The following MAST4 variants were observed in gnomAD, a reference collection of about 807,000 sequenced individuals.
MAST4 encodes microtubule associated serine/threonine kinase family member 4.
MAST4 carries 89 observed loss-of-function variants against 162.7 expected under a neutral mutation model. That is an observed-to-expected ratio of 0.55 (90% confidence interval 0.46 to 0.65). MAST4 has a LOEUF of 0.65. Ranked by LOEUF, MAST4 falls within the 30% of genes least tolerant of loss-of-function variation. MAST4 has a pLI of 0.00. For synonymous variants in MAST4, 1,479 were observed against 1,361.1 expected (o/e 1.09, Z -1.91); for missense variants, 3,153 against 3,374.0 (o/e 0.93, Z 1.62).
At chr5:67,093,229 T>C (rs1009013275) in intron 6 of MAST4, among the ~76,000 whole-genome samples, 1 of 152,226 alleles carries the variant, frequency 6.6e-6, no homozygotes, top group Non-Finnish European at 1.5e-5. Context: ...CCTTCTTACT[T>C]TTTCATTTAA....
chr5:66,924,646 G>T (rs1171963903), intron 4 of MAST4, among the ~76,000 whole-genome samples: 2 of 152,140 alleles, frequency 1.3e-5, no homozygotes, highest in Non-Finnish European at 2.9e-5. Context: ...GCCTACCTCT[G>T]CCCCCCAAAG....
At chr5:66,959,370 C>T in intron 4 of MAST4, 1 of 772,556 alleles carries the variant, frequency 1.3e-6, no homozygotes, top group South Asian at 1.4e-5. Flanking sequence ...AGCTATTTAG[C>T]ATTTGTTTGT....
chr5:67,147,410 A>T (rs1468046693), intron 23 of MAST4, among the ~76,000 whole-genome samples: 1 of 152,252 alleles, frequency 6.6e-6, no homozygotes, highest in Non-Finnish European at 1.5e-5. Flanking sequence ...GCTCACGCTT[A>T]TATGCAGTGC....
chr5:67,038,450 G>A (rs920413291), intron 4 of MAST4, among the ~76,000 whole-genome samples: 5 of 152,102 alleles, frequency 3.3e-5, no homozygotes, highest in Non-Finnish European at 7.4e-5. Flanking sequence ...TCTGCATGGG[G>A]CAAGATACTC....
chr5:67,044,960 T>C (rs1757189614), intron 4 of MAST4, among the ~76,000 whole-genome samples: 2 of 152,220 alleles, frequency 1.3e-5, no homozygotes, highest in South Asian at 4.1e-4. Flanking sequence ...CACCACAGAC[T>C]TCGTCAGCTC....
At chr5:66,699,186 T>G (rs890125054) in intron 1 of MAST4, among the ~76,000 whole-genome samples, 1 of 152,180 alleles carries the variant, frequency 6.6e-6, no homozygotes, top group African/African-American at 2.4e-5. Flanking sequence ...CCTGTTCTCA[T>G]CTCAGAGTCT....
chr5:66,838,709 G>C (rs757780408), intron 3 of MAST4, among the ~76,000 whole-genome samples: 1 of 152,196 alleles, frequency 6.6e-6, no homozygotes, highest in Non-Finnish European at 1.5e-5. Context: ...AACAGGTACT[G>C]ATTAGGCAAG....
chr5:66,822,849 C>G lies in MAST4; in HGVS notation c.642+34055C>G, dbSNP rs930388562. On this transcript the variant is annotated intron_variant, in intron 3 of 28. Coordinates refer to ENST00000403625, the MANE Select transcript of MAST4 (RefSeq NM_001164664.2). ...CCTTCTTTGTTTAAACTCCAAGAGG[C>G]AGTAGAGCATGGTGTTAGGAGCCCA... 2.0e-5 allele frequency among the ~76,000 whole-genome samples: 3 copies of G among 152,158 alleles called. No individual in the cohort carries two copies. The East Asian group carries it at 5.8e-4, about 29-fold the overall frequency.
chr5:66,820,385 G>T (rs1054571424), intron 3 of MAST4, among the ~76,000 whole-genome samples: 4 of 152,050 alleles, frequency 2.6e-5, no homozygotes, highest in African/African-American at 9.7e-5. Flanking sequence ...CAATTGATAG[G>T]TATCATACAA....
intron 3 of MAST4, among the ~76,000 whole-genome samples, chr5:66,811,592 C>T (rs1756482207): frequency 6.6e-6 from 1 of 152,146 alleles, no homozygotes; most frequent in South Asian, 2.1e-4. Flanking sequence ...CTTGATAGAA[C>T]ATATAATACA....
chr5:66,722,296 GC>G (rs1751260744), intron 1 of MAST4, among the ~76,000 whole-genome samples: 2 of 152,002 alleles, frequency 1.3e-5, no homozygotes, highest in Non-Finnish European at 2.9e-5. Context: ...TTGCCTCCTG[GC>G]TATTTTGAGC....
chr5:67,066,721 T>A (rs1290853976), intron 5 of MAST4, among the ~76,000 whole-genome samples: 1 of 152,210 alleles, frequency 6.6e-6, no homozygotes, highest in Non-Finnish European at 1.5e-5. Context: ...GATTAGTTTC[T>A]CAGCTTAATC....
At chr5:66,901,231 T>C (rs928354772) in intron 4 of MAST4, among the ~76,000 whole-genome samples, 1 of 152,148 alleles carries the variant, frequency 6.6e-6, no homozygotes, top group African/African-American at 2.4e-5. Context: ...GCACCCTTTA[T>C]TTTTTATTTG....
chr5:67,148,283 G>A (rs1771349869), intron 23 of MAST4, among the ~76,000 whole-genome samples: 1 of 152,164 alleles, frequency 6.6e-6, no homozygotes, highest in South Asian at 2.1e-4. Flanking sequence ...AAAATGAGAT[G>A]AGCATTTTCT....
At position 66,784,697 on chromosome 5, in the gene MAST4, G is replaced by A. The variant is rs150562297; in HGVS notation, c.518-3973G>A. Among the ~76,000 whole-genome samples, 1,169 of 152,236 alleles carry A rather than the reference G, an allele frequency of 7.7e-3. 7 individuals are homozygous for A. Among genetic ancestry groups the A allele is most frequent in the African/African-American group, 0.016 (683 of 41,522 alleles). On this transcript the variant is annotated intron_variant, in intron 2 of 28. Transcript: ENST00000403625. ...GACCCGGCCTAAGAACCCAGTTACCGTGTTTTATTCTGTTGCTGTGGTGGT... is the reference window on the plus strand; with the variant it reads ...GACCCGGCCTAAGAACCCAGTTACCATGTTTTATTCTGTTGCTGTGGTGGT...
chr5:67,081,181 G>A (rs1358011619), intron 5 of MAST4, among the ~76,000 whole-genome samples: 7 of 149,258 alleles, frequency 4.7e-5, no homozygotes, highest in Admixed American at 1.4e-4. Context: ...TTAGCATGTG[G>A]GGAGAGGTTC....
intron 1 of MAST4, among the ~76,000 whole-genome samples, chr5:66,652,408 T>A (rs184496357): frequency 9.6e-4 from 146 of 152,348 alleles, no homozygotes; most frequent in African/African-American, 3.2e-3. Context: ...AATGAACATT[T>A]AAATTAAAAA....
In MAST4 at chr5:67,121,031, C is replaced by T. The variant is rs768292580; in HGVS notation, c.1674C>T (p.Ser558=). 1.2e-6 allele frequency: 2 copies of T among 1,610,498 alleles called. No individual in the cohort carries two copies. The highest frequency in any genetic ancestry group is 2.2e-5 in the East Asian group (1 of 44,808). ...TDESVSSSNA[S]LKLRRKPRES... is the part of the protein sequence containing the mutation. ...TTGTTTCCAAGAGCTCTAATGCCTCCCTGAAACTTCGAAGGAAACCTCGGG... is the reference window on the plus strand; with the variant it reads ...TTGTTTCCAAGAGCTCTAATGCCTCTCTGAAACTTCGAAGGAAACCTCGGG... The change falls in exon 14 of 29, where the codon TCC becomes TCT. Residue 558 remains serine, a synonymous_variant. Coordinates refer to ENST00000403625, the MANE Select transcript of MAST4 (RefSeq NM_001164664.2).
At chr5:66,631,066 T>G (rs1343593436) in intron 1 of MAST4, among the ~76,000 whole-genome samples, 1 of 152,210 alleles carries the variant, frequency 6.6e-6, no homozygotes, top group African/African-American at 2.4e-5. Context: ...AGCCTCCATG[T>G]TTTTTTCTCT....
Sources: gnomAD v4.1 joint callset for allele counts (sites outside exome capture counted in the v4.1 genomes callset) on GRCh38, gnomAD v4.1.1 for gene constraint, MANE v1.5 for transcripts, NCBI Gene and HGNC (gene_info 2026-07-23, HGNC 2026-07-21) for gene names.